Variants in EHBP1 observed in about 807,000 individuals in gnomAD.
EHBP1 encodes the protein EH domain-binding protein 1.
Under a neutral mutation model 144.0 loss-of-function variants are expected in EHBP1, and 55 were observed. The ratio of observed to expected loss-of-function variants is 0.38; its 90% CI spans 0.31 to 0.48. EHBP1 has a LOEUF of 0.48. Ranked by LOEUF, EHBP1 falls within the 20% of genes least tolerant of loss-of-function variation. The pLI is 0.98. For synonymous variants in EHBP1, 469 were observed against 472.7 expected (o/e 0.99, Z 0.10); for missense variants, 1,200 against 1,364.2 (o/e 0.88, Z 1.90).
chr2:63,028,221 A>G (rs1202664601), intron 19 of EHBP1, among the ~76,000 whole-genome samples: 1 of 152,192 alleles, frequency 6.6e-6, no homozygotes, highest in African/African-American at 2.4e-5. Flanking sequence ...TGATAAATAT[A>G]TACGCTTTTT....
At chr2:62,871,667 C>T (rs1405311511) in intron 9 of EHBP1, among the ~76,000 whole-genome samples, 18 of 152,214 alleles carry the variant, frequency 1.2e-4, no homozygotes. Flanking sequence ...ATGTGACTCA[C>T]CTTCCATTAC....
At chr2:62,722,181 G>C (rs959275139) in intron 2 of EHBP1, among the ~76,000 whole-genome samples, 5 of 151,840 alleles carry the variant, frequency 3.3e-5, no homozygotes, top group African/African-American at 1.2e-4. Context: ...CCATGCTGGA[G>C]TGCAGTGGCG....
intron 5 of EHBP1, among the ~76,000 whole-genome samples, chr2:62,782,814 C>T (rs745647503): frequency 1.3e-5 from 2 of 152,204 alleles, no homozygotes; most frequent in Middle Eastern, 3.4e-3. Context: ...GTCCCTGGCC[C>T]CTCCCATATC....
At chr2:62,998,185 C>G (rs540839111) in intron 19 of EHBP1, among the ~76,000 whole-genome samples, 2 of 152,178 alleles carry the variant, frequency 1.3e-5, no homozygotes, top group South Asian at 4.2e-4. Flanking sequence ...CATACGGGAC[C>G]CTTCTTGCTA....
chr2:62,852,407 A>G (rs1395095341), intron 7 of EHBP1, among the ~76,000 whole-genome samples: 1 of 151,784 alleles, frequency 6.6e-6, no homozygotes, highest in African/African-American at 2.4e-5. Flanking sequence ...ATTAACTGCT[A>G]TTATTTCTTT....
At chr2:62,939,714 G>C (rs965486097) in intron 10 of EHBP1, among the ~76,000 whole-genome samples, 2 of 152,112 alleles carry the variant, frequency 1.3e-5, no homozygotes, top group African/African-American at 2.4e-5. Flanking sequence ...ATCTGAGAGA[G>C]TACCAGGGAA....
chr2:62,690,926 GTGC>G (rs1199424039), intron 1 of EHBP1, among the ~76,000 whole-genome samples: 1 of 152,200 alleles, frequency 6.6e-6, no homozygotes, highest in East Asian at 1.9e-4. Context: ...GAGGAGACAG[GTGC>G]TGTGATGACA....
intron 2 of EHBP1, among the ~76,000 whole-genome samples, chr2:62,739,765 ATC>A (rs1040895812): frequency 5.3e-5 from 8 of 151,858 alleles, no homozygotes; most frequent in African/African-American, 1.9e-4. Context: ...CAACATAGCA[ATC>A]TCTACAAAAA....
chr2:62,858,532 C>T (rs1274961604), intron 7 of EHBP1: 2 of 1,508,312 alleles, frequency 1.3e-6, no homozygotes, highest in Non-Finnish European at 1.8e-6. Flanking sequence ...TTCCTCCTTT[C>T]TTTCTGCTTC....
intron 1 of EHBP1, among the ~76,000 whole-genome samples, chr2:62,696,341 T>C (rs551716987): frequency 4.0e-5 from 6 of 151,718 alleles, no homozygotes; most frequent in South Asian, 2.1e-4. Context: ...TGGCTAATTT[T>C]TGTATTTTTA....
At chr2:62,885,112 A>G (rs1266600270) in intron 10 of EHBP1, among the ~76,000 whole-genome samples, 1 of 152,206 alleles carries the variant, frequency 6.6e-6, no homozygotes, top group Non-Finnish European at 1.5e-5. Context: ...CTCAATGACA[A>G]CTGACTGCGG....
At chr2:62,686,057 G>A (rs923404829) in intron 1 of EHBP1, among the ~76,000 whole-genome samples, 6 of 152,186 alleles carry the variant, frequency 3.9e-5, no homozygotes, top group Admixed American at 1.3e-4. Flanking sequence ...TGAGGGAGAT[G>A]TATGGGAAGG....
At chr2:62,741,262 A>C (rs2038682638) in intron 2 of EHBP1, among the ~76,000 whole-genome samples, 1 of 152,160 alleles carries the variant, frequency 6.6e-6, no homozygotes, top group Non-Finnish European at 1.5e-5. Context: ...TCTTAATGCC[A>C]GCATGGTGGT....
chr2:62,833,876 A>G (rs2047013297), intron 7 of EHBP1, among the ~76,000 whole-genome samples: 1 of 152,222 alleles, frequency 6.6e-6, no homozygotes, highest in Non-Finnish European at 1.5e-5. Context: ...GATGCCATTA[A>G]GAATTTTGTG....
At chr2:62,932,102 G>C (rs548612036) in intron 10 of EHBP1, among the ~76,000 whole-genome samples, 1 of 151,756 alleles carries the variant, frequency 6.6e-6, no homozygotes. Flanking sequence ...ACTTGAGCCC[G>C]GGAGGTGGAG....
At chr2:62,737,004 C>T (rs2038200189) in intron 2 of EHBP1, among the ~76,000 whole-genome samples, 1 of 152,084 alleles carries the variant, frequency 6.6e-6, no homozygotes, top group African/African-American at 2.4e-5. Flanking sequence ...TTCTATAGTC[C>T]TATGATTAAG....
At chr2:62,777,631 C>T (rs902002323) in intron 5 of EHBP1, among the ~76,000 whole-genome samples, 5 of 151,766 alleles carry the variant, frequency 3.3e-5, no homozygotes, top group Non-Finnish European at 7.4e-5. Context: ...ATAATGACTG[C>T]TATATAAAAT....
intron 5 of EHBP1, among the ~76,000 whole-genome samples, chr2:62,778,969 G>T (rs1221076675): frequency 6.6e-6 from 1 of 151,980 alleles, no homozygotes; most frequent in African/African-American, 2.4e-5. Flanking sequence ...TTCTCCTGTA[G>T]CTCCAAACTG....
At chr2:62,858,831 C>T (rs2049283124) in intron 7 of EHBP1, among the ~76,000 whole-genome samples, 1 of 152,048 alleles carries the variant, frequency 6.6e-6, no homozygotes, top group South Asian at 2.1e-4. Context: ...ATCATAAGCC[C>T]ATTTCAGTTA....
Sources: allele counts gnomAD v4.1 joint callset (sites outside exome capture counted in the v4.1 genomes callset), GRCh38; gene constraint gnomAD v4.1.1; transcripts MANE v1.5; gene names NCBI Gene and HGNC (gene_info 2026-07-23, HGNC 2026-07-21).